CLMP: variants seen among roughly 807,000 people sequenced by gnomAD.
CLMP encodes the protein CXADR like cell adhesion molecule, also known as CXADR-like membrane protein.
CLMP carries 27 observed loss-of-function variants against 45.2 expected under a neutral mutation model. That is an observed-to-expected ratio of 0.60 (90% CI 0.44 to 0.82). CLMP has a LOEUF of 0.82. Among genes scored for constraint, CLMP ranks in the 40% least tolerant of loss-of-function variants. The pLI is 0.00. For missense variants in CLMP, 403 were observed against 448.4 expected, an observed-to-expected ratio of 0.90 and a Z score of 0.91; for synonymous variants, 167 against 171.4, an observed-to-expected ratio of 0.97 and a Z score of 0.20.
chr11:123,191,448 C>T (rs184653388), intron 1 of CLMP: 1 of 152,342 alleles, frequency 6.6e-6, no homozygotes, highest in East Asian at 1.9e-4. Context: ...CTTCTTCAAA[C>T]TCACTTTCTG....
chr11:123,118,745 C>G (rs1413674794), intron 1 of CLMP, among the ~76,000 whole-genome samples: 2 of 152,020 alleles, frequency 1.3e-5, no homozygotes, highest in Non-Finnish European at 2.9e-5. Flanking sequence ...TTTGTAATGC[C>G]AAGTCATTTC....
chr11:123,096,244 C>G (rs2135479316), intron 2 of CLMP, among the ~76,000 whole-genome samples: 1 of 152,232 alleles, frequency 6.6e-6, no homozygotes, highest in Non-Finnish European at 1.5e-5. Context: ...ATCCCAGCTA[C>G]TCAGGAGTTG....
chr11:123,132,602 G>A (rs994839851), intron 1 of CLMP, among the ~76,000 whole-genome samples: 1 of 151,786 alleles, frequency 6.6e-6, no homozygotes, highest in Non-Finnish European at 1.5e-5. Context: ...GGGATTACAG[G>A]CGCCTGCCAC....
chr11:123,089,574 G>A (rs983771614), intron 2 of CLMP, among the ~76,000 whole-genome samples: 1 of 151,104 alleles, frequency 6.6e-6, no homozygotes, highest in African/African-American at 2.4e-5. Flanking sequence ...GACCATCCTG[G>A]CTAACACGGT....
At chr11:123,081,464 A>C (rs1420844611) in intron 5 of CLMP, among the ~76,000 whole-genome samples, 1 of 152,188 alleles carries the variant, frequency 6.6e-6, no homozygotes, top group Non-Finnish European at 1.5e-5. Flanking sequence ...GAAGTTACTA[A>C]ATTGATTAAG....
intron 1 of CLMP, among the ~76,000 whole-genome samples, chr11:123,112,556 C>T (rs1457819761): frequency 8.6e-5 from 13 of 151,774 alleles, no homozygotes; most frequent in Admixed American, 7.2e-4. Flanking sequence ...AGGCTGGTCC[C>T]GAACTCCTGA....
intron 1 of CLMP, among the ~76,000 whole-genome samples, chr11:123,136,560 ATTT>A (rs34074982): frequency 2.8e-3 from 239 of 85,870 alleles, no homozygotes; most frequent in African/African-American, 0.012. Context: ...CTTTTAAGTA[ATTT>A]TTTTTTTTTT....
At chr11:123,175,233 C>T (rs528709588) in intron 1 of CLMP, among the ~76,000 whole-genome samples, 6 of 150,820 alleles carry the variant, frequency 4.0e-5, no homozygotes, top group South Asian at 4.2e-4. Flanking sequence ...GACAGTTCTG[C>T]GTAGCTGGGG....
intron 1 of CLMP, among the ~76,000 whole-genome samples, chr11:123,146,712 C>T (rs1861243954): frequency 6.6e-6 from 1 of 152,110 alleles, no homozygotes; most frequent in Non-Finnish European, 1.5e-5. Context: ...ATCTCTCCTC[C>T]CCAGTTCCCC....
rs544657203 is a variant in CLMP, at chr11:123,085,504, C to T, written c.187-791G>A. Among the ~76,000 whole-genome samples the T allele has an allele frequency of 2.8e-4, 42 of 151,440 alleles. No homozygotes were observed. The East Asian group carries it at 4.1e-3, about 15-fold the overall frequency. On this transcript the variant is annotated intron_variant, in intron 2 of 6. Transcript: ENST00000448775. ...CCTCAGGTGATCCACCCTCCTTGGC[C>T]TCCCAAAGTGCTGGGATTACAGACA...
chr11:123,109,531 G>GGAAACACA (rs1344076952), intron 1 of CLMP, among the ~76,000 whole-genome samples: 6 of 152,136 alleles, frequency 3.9e-5, no homozygotes, highest in African/African-American at 1.4e-4. Flanking sequence ...CCGGCAGATT[G>GGAAACACA]GAAACACAGA....
chr11:123,109,523 G>A (rs12287002), intron 1 of CLMP, among the ~76,000 whole-genome samples: 15,473 of 152,058 alleles, frequency 0.1, 880 homozygotes, highest in East Asian at 0.16. Flanking sequence ...CCTTGAAACC[G>A]GCAGATTGGA....
At chr11:123,106,406 T>C (rs1860551711) in intron 1 of CLMP, among the ~76,000 whole-genome samples, 1 of 122,922 alleles carries the variant, frequency 8.1e-6, no homozygotes, top group African/African-American at 3.0e-5. Context: ...TGTGTGTGTG[T>C]GTGTGTGTGT....
intron 1 of CLMP, chr11:123,136,196 G>T (rs1861068167): frequency 4.7e-6 from 3 of 639,806 alleles, no homozygotes; most frequent in Non-Finnish European, 9.1e-6. Flanking sequence ...CAAAAATCCT[G>T]CAAACCAGCC....
chr11:123,160,345 T>C (rs1861470103), intron 1 of CLMP, among the ~76,000 whole-genome samples: 1 of 147,512 alleles, frequency 6.8e-6, no homozygotes, highest in South Asian at 2.2e-4. Flanking sequence ...AATTATACCC[T>C]GAACTTTTTC....
At chr11:123,107,665 G>A (rs141215341) in intron 1 of CLMP, among the ~76,000 whole-genome samples, 80 of 151,628 alleles carry the variant, frequency 5.3e-4, no homozygotes, top group African/African-American at 1.8e-3. Context: ...GGCCACCACC[G>A]TGTTGCATTT....
chr11:123,143,431 A>T (rs1861192962), intron 1 of CLMP, among the ~76,000 whole-genome samples: 3 of 152,106 alleles, frequency 2.0e-5, no homozygotes. Flanking sequence ...GATTATGTTA[A>T]ATTGTATAAA....
Position 123,131,764 on chromosome 11 carries a change from C to T in CLMP, c.29-33812G>A, listed in dbSNP as rs111272886. 2.3e-3 allele frequency among the ~76,000 whole-genome samples: 346 copies of T among 151,982 alleles called. 3 individuals carry two copies. Among genetic ancestry groups the T allele is most frequent in the African/African-American group, 7.9e-3 (327 of 41,460 alleles). ...CCGAGTAGCTGGGATTACAGGTATG[C>T]GCCACCACGTCCGGCTAATTTTTGT... On this transcript the variant is annotated intron_variant, in intron 1 of 6. Transcript: ENST00000448775.
At chr11:123,166,457 A>G (rs997163174) in intron 1 of CLMP, among the ~76,000 whole-genome samples, 2 of 152,228 alleles carry the variant, frequency 1.3e-5, no homozygotes, top group African/African-American at 2.4e-5. Flanking sequence ...ACAGCCTTGT[A>G]TCTTCCTCCC....
Sources: allele counts gnomAD v4.1 joint callset (sites outside exome capture counted in the v4.1 genomes callset), GRCh38; gene constraint gnomAD v4.1.1; transcripts MANE v1.5; gene names NCBI Gene and HGNC (gene_info 2026-07-23, HGNC 2026-07-21).